SYT1: variants seen among roughly 807,000 people sequenced by gnomAD.
SYT1 encodes synaptotagmin 1.
Under a neutral mutation model 44.8 loss-of-function variants are expected in SYT1, and 8 were observed. That is an observed-to-expected ratio of 0.18 (90% CI 0.10 to 0.32). The LOEUF (loss-of-function observed/expected upper bound fraction) is 0.32. SYT1 is among the 10% of genes least tolerant of loss of function. The pLI, the probability that SYT1 is intolerant of heterozygous loss-of-function variation, is 1.00. For synonymous variants in SYT1, 154 were observed against 188.8 expected (o/e 0.82, Z 1.51); for missense variants, 286 against 509.3 (o/e 0.56, Z 4.22).
intron 1 of SYT1, among the ~76,000 whole-genome samples, chr12:78,882,651 C>T (rs149622536): frequency 7.1e-4 from 107 of 151,716 alleles, no homozygotes; most frequent in African/African-American, 2.5e-3. Context: ...CCTAAGTAGA[C>T]ATTAAGTTTG....
intron 4 of SYT1, among the ~76,000 whole-genome samples, chr12:79,245,466 C>A (rs1478464135): frequency 2.2e-5 from 3 of 133,876 alleles, no homozygotes; most frequent in African/African-American, 2.9e-5. Context: ...GAGCGAGACT[C>A]CGTCAACAAA....
chr12:79,450,280 A>G lies in SYT1; in HGVS notation c.*1156A>G, dbSNP rs904050695. ...TTGTAATCCCATCAAAAGATGAAAG[A>G]AAAACAAAAACAAAAACCAACAACA... On this transcript the variant is annotated 3_prime_UTR_variant, in exon 11 of 11. Transcript: ENST00000261205. 1 of 152,614 alleles carries G rather than the reference A, an allele frequency of 6.6e-6. No homozygotes were observed. The highest frequency in any genetic ancestry group is 1.5e-5 in the Non-Finnish European group (1 of 68,044). The allele number at this position is 152,614 out of a possible 1,614,324, so 9.5% of individuals were successfully genotyped here.
intron 3 of SYT1, among the ~76,000 whole-genome samples, chr12:79,176,742 C>A (rs1871894297): frequency 6.6e-6 from 1 of 151,928 alleles, no homozygotes; most frequent in Non-Finnish European, 1.5e-5. Context: ...GCCACATTTG[C>A]TTTGACTATC....
intron 1 of SYT1, among the ~76,000 whole-genome samples, chr12:78,880,944 A>C (rs892051575): frequency 6.6e-6 from 1 of 151,604 alleles, no homozygotes; most frequent in African/African-American, 2.4e-5. Context: ...TTGTTTCTCT[A>C]ATCTCACACT....
At chr12:78,926,670 T>C (rs1258975535) in intron 1 of SYT1, 1 of 152,090 alleles carries the variant, frequency 6.6e-6, no homozygotes, top group Non-Finnish European at 1.5e-5. Flanking sequence ...TCTTAAACAT[T>C]TTTGGGAAGC....
chr12:79,091,077 T>C (rs951277528), intron 3 of SYT1, among the ~76,000 whole-genome samples: 1 of 151,978 alleles, frequency 6.6e-6, no homozygotes, highest in Non-Finnish European at 1.5e-5. Flanking sequence ...TTCAGAGCCA[T>C]GCTTTGTGTC....
At position 79,074,644 on chromosome 12, in the gene SYT1, T is replaced by G. The variant is rs74110125; in HGVS notation, c.-18+27282T>G. The stretch of plus-strand genomic sequence containing the variant: ...TGCTTACTTATGAACTGCGACATCC[T>G]ATGTCAGCCTCTCAGACTCCTATTC... On this transcript the variant is annotated intron_variant, in intron 3 of 10. Coordinates refer to ENST00000261205, the MANE Select transcript of SYT1 (RefSeq NM_005639.3). 9.4e-3 allele frequency among the ~76,000 whole-genome samples: 1,438 copies of G among 152,302 alleles called. 31 individuals are homozygous for G. The highest frequency in any genetic ancestry group is 0.032 in the African/African-American group (1,349 of 41,564).
At chr12:79,172,987 AAAAAAAAAAAAAAAAAAAAG>A (rs1331312996) in intron 3 of SYT1, among the ~76,000 whole-genome samples, 4 of 141,450 alleles carry the variant, frequency 2.8e-5, no homozygotes, top group African/African-American at 8.1e-5. Context: ...AAAAAAAAAA[AAAAAAAAAAAAAAAAAAAAG>A]GGAGTTTGGC....
At chr12:79,402,391 T>G (rs1161124281) in intron 9 of SYT1, among the ~76,000 whole-genome samples, 3 of 152,174 alleles carry the variant, frequency 2.0e-5, no homozygotes, top group African/African-American at 7.2e-5. Flanking sequence ...GTTTCAAGTT[T>G]GATAAAATAT....
intron 5 of SYT1, among the ~76,000 whole-genome samples, chr12:79,288,970 T>C (rs1320215881): frequency 6.6e-6 from 1 of 152,178 alleles, no homozygotes; most frequent in African/African-American, 2.4e-5. Context: ...AAATTGATTT[T>C]TTTAAAGATA....
At chr12:78,867,539 T>C (rs1873607903) in intron 1 of SYT1, among the ~76,000 whole-genome samples, 1 of 152,076 alleles carries the variant, frequency 6.6e-6, no homozygotes, top group Non-Finnish European at 1.5e-5. Flanking sequence ...TCATACAATC[T>C]TTGTTTTTTC....
intron 3 of SYT1, among the ~76,000 whole-genome samples, chr12:79,101,037 A>T (rs1878416764): frequency 6.6e-6 from 1 of 152,172 alleles, no homozygotes; most frequent in Non-Finnish European, 1.5e-5. Flanking sequence ...AATAAATAAG[A>T]TTATTTATCA....
intron 3 of SYT1, among the ~76,000 whole-genome samples, chr12:79,124,090 C>T (rs750939525): frequency 1.3e-5 from 2 of 152,178 alleles, no homozygotes; most frequent in Non-Finnish European, 2.9e-5. Flanking sequence ...AAATAAGCCA[C>T]ATTAAAATTG....
At chr12:79,362,918 T>C (rs1052580653) in intron 9 of SYT1, among the ~76,000 whole-genome samples, 3 of 152,208 alleles carry the variant, frequency 2.0e-5, no homozygotes, top group Non-Finnish European at 4.4e-5. Flanking sequence ...GATTGAAATA[T>C]AAGACTGAGA....
chr12:79,092,612 T>C (rs1466587491), intron 3 of SYT1, among the ~76,000 whole-genome samples: 1 of 151,808 alleles, frequency 6.6e-6, no homozygotes, highest in Non-Finnish European at 1.5e-5. Context: ...CATGTAATAA[T>C]TCTTATTCTG....
At chr12:78,978,777 A>C (rs1474495481) in intron 2 of SYT1, among the ~76,000 whole-genome samples, 1 of 152,188 alleles carries the variant, frequency 6.6e-6, no homozygotes, top group Admixed American at 6.6e-5. Flanking sequence ...TTACAGTGTG[A>C]AGCTCTGTCT....
chr12:78,964,235 A>G lies in SYT1; in HGVS notation c.-216-13564A>G, dbSNP rs556817642. 8.5e-5 allele frequency: 13 copies of G among 152,332 alleles called. No homozygotes were observed. In the South Asian group the frequency reaches 2.7e-3, roughly 32 times the overall value. 9.4% of individuals were successfully genotyped at this position (152,332 alleles called of 1,614,324 possible). A position where few individuals can be genotyped will look rare whatever the true frequency, so the allele number is the denominator to read the frequency against. On this transcript the variant is annotated intron_variant, in intron 1 of 10. Transcript: ENST00000261205. The stretch of plus-strand genomic sequence containing the variant: ...ATGTGTATTTTCTCAGAGGCTCTGG[A>G]ATAAAGTATAATTTGAAAAGTTTTC...
At chr12:78,999,394 A>AT (rs1870586392) in intron 2 of SYT1, among the ~76,000 whole-genome samples, 1 of 152,092 alleles carries the variant, frequency 6.6e-6, no homozygotes, top group Non-Finnish European at 1.5e-5. Flanking sequence ...GTATTTTTCT[A>AT]TTTTTTGTCT....
At chr12:79,044,926 C>T (rs1057329473) in intron 2 of SYT1, among the ~76,000 whole-genome samples, 4 of 152,180 alleles carry the variant, frequency 2.6e-5, no homozygotes, top group African/African-American at 9.7e-5. Flanking sequence ...GGGTGCCTCC[C>T]AGTTAGGCCG....
Sources: gnomAD v4.1 joint callset for allele counts (sites outside exome capture counted in the v4.1 genomes callset) on GRCh38, gnomAD v4.1.1 for gene constraint, MANE v1.5 for transcripts, NCBI Gene and HGNC (gene_info 2026-07-23, HGNC 2026-07-21) for gene names.